JADE2: variants seen among roughly 807,000 people sequenced by gnomAD.
The protein encoded by JADE2 is E3 ubiquitin-protein ligase Jade-2.
Under a neutral mutation model 85.7 loss-of-function variants are expected in JADE2, and 13 were observed. The observed-to-expected ratio is 0.15, with a 90% CI of 0.10 to 0.24. JADE2 has a LOEUF of 0.24. Ranked by LOEUF, JADE2 falls within the 10% of genes least tolerant of loss-of-function variation. The pLI, the probability that JADE2 is intolerant of heterozygous loss-of-function variation, is 1.00. For missense variants in JADE2, 846 were observed against 1,115.9 expected (o/e 0.76, Z 3.45); for synonymous variants, 440 against 456.1 (o/e 0.96, Z 0.45).
chr5:134,557,261 T>C (rs1240543395), intron 4 of JADE2, among the ~76,000 whole-genome samples: 1 of 22,184 alleles, frequency 4.5e-5, no homozygotes, highest in African/African-American at 7.3e-5. Context: ...CAAGCTTTTA[T>C]TTTTTTATTT....
Position 134,579,814 on chromosome 5 carries a change from A to G in JADE2, c.*497A>G, listed in dbSNP as rs1764609053. ...AATAAACGATACCCAGCCAGAGTCT[A>G]CTCACTGTCACAAGCACAACGAGTT... On this transcript the variant is annotated 3_prime_UTR_variant, in exon 12 of 12. Coordinates refer to ENST00000681547, the MANE Select transcript of JADE2 (RefSeq NM_001388185.1). This position sits in a 1 kb window ranked among gnomAD's most constrained non-coding sequence, Gnocchi z 4.6. 6.4e-6 allele frequency: 1 copy of G among 156,426 alleles called. No individual in the cohort carries two copies. Among genetic ancestry groups the G allele is most frequent in the African/African-American group, 2.4e-5 (1 of 41,496 alleles). 9.7% of individuals were successfully genotyped at this position (156,426 alleles called of 1,614,324 possible).
intron 1 of JADE2, among the ~76,000 whole-genome samples, chr5:134,528,923 G>A (rs1453635196): frequency 6.6e-6 from 1 of 152,164 alleles, no homozygotes; most frequent in African/African-American, 2.4e-5. Flanking sequence ...AGTAACAGTG[G>A]TCCAAGAGGT....
chr5:134,554,483 TCTC>T (rs1013599851), intron 4 of JADE2, among the ~76,000 whole-genome samples: 4 of 152,108 alleles, frequency 2.6e-5, no homozygotes, highest in Admixed American at 1.3e-4. Flanking sequence ...TCCGGAAACA[TCTC>T]CTGGCCTGGG....
chr5:134,567,791 C>A (rs1763741639), intron 9 of JADE2, among the ~76,000 whole-genome samples: 1 of 152,186 alleles, frequency 6.6e-6, no homozygotes, highest in South Asian at 2.1e-4. Context: ...ACCTATTGCC[C>A]CCAGAGAGCC....
At chr5:134,558,696 G>T (rs974246602) in intron 4 of JADE2, among the ~76,000 whole-genome samples, 2 of 152,180 alleles carry the variant, frequency 1.3e-5, no homozygotes, top group Non-Finnish European at 2.9e-5. Flanking sequence ...ACACCACCAC[G>T]CCTGGGTAAT....
intron 3 of JADE2, among the ~76,000 whole-genome samples, chr5:134,546,004 A>C (rs66932811): frequency 0.048 from 7,281 of 152,232 alleles, 350 homozygotes; most frequent in South Asian, 0.23. Flanking sequence ...CCAGTTTCTC[A>C]GTTTCACCTG....
intron 8 of JADE2, among the ~76,000 whole-genome samples, 175 bp from the exon 9 acceptor site, chr5:134,565,941 C>T (rs546528690): frequency 1.3e-5 from 2 of 151,910 alleles, no homozygotes; most frequent in Non-Finnish European, 2.9e-5. Flanking sequence ...CAGAGCTCCT[C>T]CTCCTCCCCT....
rs1320824145 is a variant in JADE2 at position 134,539,859 on chromosome 5, C to CTCCA, written c.153+1776_153+1777insTCCA. Among the ~76,000 whole-genome samples the CTCCA allele has an allele frequency of 1.3e-3, 194 of 152,330 alleles. 2 individuals are homozygous for CTCCA. In the East Asian group the frequency reaches 0.032, roughly 25 times the overall value. ...GAGGCTTGCATCTGAAAAAGGACTC[C>CTCCA]GCCTTGCCTCCTCCAGGAGCTGCCC... On this transcript the variant is annotated intron_variant, in intron 3 of 11. Transcript: ENST00000681547.
chr5:134,574,281 T>C, intron 10 of JADE2: 1 of 189,798 alleles, frequency 5.3e-6, no homozygotes, highest in Admixed American at 5.9e-5. Context: ...CTTATTATTC[T>C]TATTCTCTTG....
chr5:134,573,590 G>C, intron 9 of JADE2, 55 bp from the exon 10 acceptor site: 2 of 1,221,250 alleles, frequency 1.6e-6, no homozygotes, highest in South Asian at 2.4e-5. Context: ...CCAGAGCTGG[G>C]AGGTCTGGGG....
At chr5:134,527,867 G>A (rs1760966606) in intron 1 of JADE2, among the ~76,000 whole-genome samples, 1 of 152,200 alleles carries the variant, frequency 6.6e-6, no homozygotes, top group African/African-American at 2.4e-5. Flanking sequence ...GTATGCCGAA[G>A]GCACACTGCG....
chr5:134,569,467 A>G (rs916824277), intron 9 of JADE2, among the ~76,000 whole-genome samples: 3 of 152,230 alleles, frequency 2.0e-5, no homozygotes, highest in African/African-American at 7.2e-5. Context: ...CTCGGAAGGC[A>G]TGGCCACTGC....
chr5:134,573,092 C>T (rs1018481290), intron 9 of JADE2, among the ~76,000 whole-genome samples: 7 of 152,214 alleles, frequency 4.6e-5, no homozygotes, highest in Admixed American at 6.5e-5. Flanking sequence ...CTTCCAATGG[C>T]GTTCTCTCTG....
At chr5:134,526,521 C>T (rs1158800211) in intron 1 of JADE2, 2 of 985,236 alleles carry the variant, frequency 2.0e-6, no homozygotes, top group Non-Finnish European at 2.4e-6. Context: ...TGTTGATACG[C>T]AGCACGTCCG....
chr5:134,526,719 T>C (rs1439076581), intron 1 of JADE2: 1 of 985,190 alleles, frequency 1.0e-6, no homozygotes, highest in Non-Finnish European at 1.2e-6. Context: ...CTGCACAAAT[T>C]AGACAGTTTT....
intron 8 of JADE2, among the ~76,000 whole-genome samples, chr5:134,565,142 T>TG (rs1205736500): frequency 3.3e-5 from 5 of 152,214 alleles, no homozygotes; most frequent in African/African-American, 1.2e-4. Context: ...GCTGAGAACT[T>TG]GCATTTCTAA....
At chr5:134,567,596 G>GAAAT (rs1581468743) in intron 9 of JADE2, among the ~76,000 whole-genome samples, 1 of 152,174 alleles carries the variant, frequency 6.6e-6, no homozygotes, top group East Asian at 1.9e-4. Flanking sequence ...CCCTGGGCAG[G>GAAAT]AGCATGCAGG....
At chr5:134,549,393 G>T (rs1762476311) in intron 3 of JADE2, among the ~76,000 whole-genome samples, 1 of 152,168 alleles carries the variant, frequency 6.6e-6, no homozygotes, top group Non-Finnish European at 1.5e-5. Flanking sequence ...GGTGCGGGTG[G>T]CTTACACCTG....
At chr5:134,534,219 G>A (rs1015069096) in intron 1 of JADE2, among the ~76,000 whole-genome samples, 2 of 152,134 alleles carry the variant, frequency 1.3e-5, no homozygotes, top group East Asian at 3.9e-4. Flanking sequence ...TCTGCAAAAG[G>A]GAAGCAGCCA....
Sources: allele counts gnomAD v4.1 joint callset (sites outside exome capture counted in the v4.1 genomes callset), GRCh38; gene constraint gnomAD v4.1.1; non-coding constraint Gnocchi (gnomAD v3.1); transcripts MANE v1.5; gene names NCBI Gene and HGNC (gene_info 2026-07-23, HGNC 2026-07-21).